GFRA1: variants seen among roughly 807,000 people sequenced by gnomAD.
GFRA1 encodes GDNF family receptor alpha-1.
Under a neutral mutation model 51.6 loss-of-function variants are expected in GFRA1, and 16 were observed. That is an observed-to-expected ratio of 0.31 (90% CI 0.21 to 0.47). GFRA1 has a LOEUF of 0.47. GFRA1 is among the 20% of genes least tolerant of loss of function. GFRA1 has a pLI of 1.00. For missense variants in GFRA1, 530 were observed against 594.3 expected (o/e 0.89, Z 1.13); for synonymous variants, 270 against 241.3 (o/e 1.12, Z -1.10).
chr10:116,172,060 G>A (rs1056313554), intron 5 of GFRA1, among the ~76,000 whole-genome samples: 53 of 152,208 alleles, frequency 3.5e-4, no homozygotes, highest in African/African-American at 1.3e-3. Flanking sequence ...GTCCTTCCAC[G>A]GTGTTTACCC....
rs765485716 is a variant in GFRA1 at position 116,060,721 on chromosome 10, A to T, written c.*3677T>A. The T allele has an allele frequency of 6.6e-6, 1 of 152,250 alleles. No individual in the cohort carries two copies. 9.4% of individuals were successfully genotyped at this position (152,250 alleles called of 1,614,324 possible). On this transcript the variant is annotated 3_prime_UTR_variant, in exon 11 of 11. Transcript: ENST00000355422. Reference sequence around the variant, plus strand: ...CATGGGGGTATGAATCCAGGAGGTCATCAACAGCCTCGAAAGAGAATTAGA... The same window carrying T: ...CATGGGGGTATGAATCCAGGAGGTCTTCAACAGCCTCGAAAGAGAATTAGA...
chr10:116,067,153 G>A (rs564721249), intron 9 of GFRA1, among the ~76,000 whole-genome samples: 80 of 152,242 alleles, frequency 5.3e-4, no homozygotes, highest in African/African-American at 1.7e-3. Context: ...ATTGGAAGAG[G>A]AATTGAACCT....
At chr10:116,181,453 G>A (rs771739698) in intron 5 of GFRA1, among the ~76,000 whole-genome samples, 1 of 152,260 alleles carries the variant, frequency 6.6e-6, no homozygotes, top group East Asian at 1.9e-4. Context: ...GCCCAGCTCT[G>A]CCATCCATCT....
At chr10:116,067,786 T>G (rs1955181489) in intron 9 of GFRA1, among the ~76,000 whole-genome samples, 2 of 152,170 alleles carry the variant, frequency 1.3e-5, no homozygotes, top group African/African-American at 4.8e-5. Flanking sequence ...CATTCAGAAT[T>G]TATAAGCTTT....
intron 4 of GFRA1, among the ~76,000 whole-genome samples, chr10:116,238,804 C>G (rs968323684): frequency 6.6e-6 from 1 of 152,124 alleles, no homozygotes; most frequent in East Asian, 1.9e-4. Flanking sequence ...AACAAATGGT[C>G]ATTTTTTTTA....
chr10:116,242,284 T>C (rs142683719), intron 4 of GFRA1, among the ~76,000 whole-genome samples: 409 of 152,312 alleles, frequency 2.7e-3, no homozygotes, highest in Non-Finnish European at 4.6e-3. Context: ...CAGCAGAGAC[T>C]GGCTTCAAGT....
chr10:116,237,366 A>G (rs540278109), intron 4 of GFRA1, among the ~76,000 whole-genome samples: 5 of 152,290 alleles, frequency 3.3e-5, no homozygotes, highest in Non-Finnish European at 4.4e-5. Context: ...TAATTTACAG[A>G]TGAGAAAAAT....
At chr10:116,190,322 G>C (rs1963136030) in intron 5 of GFRA1, among the ~76,000 whole-genome samples, 1 of 152,222 alleles carries the variant, frequency 6.6e-6, no homozygotes, top group Non-Finnish European at 1.5e-5. Flanking sequence ...GTAGTCACCA[G>C]ATGGCTCCTC....
chr10:116,090,797 T>C (rs1462158727), intron 8 of GFRA1, among the ~76,000 whole-genome samples: 1 of 152,162 alleles, frequency 6.6e-6, no homozygotes, highest in African/African-American at 2.4e-5. Context: ...AATGTGCAAA[T>C]TGTTAATATA....
intron 5 of GFRA1, among the ~76,000 whole-genome samples, chr10:116,161,836 A>T (rs1285878884): frequency 6.6e-6 from 1 of 152,256 alleles, no homozygotes; most frequent in East Asian, 1.9e-4. Flanking sequence ...GTGTGAAAAC[A>T]GACAAATACA....
chr10:116,115,014 C>T (rs1353862182), intron 6 of GFRA1, among the ~76,000 whole-genome samples: 6 of 152,132 alleles, frequency 3.9e-5, no homozygotes, highest in Admixed American at 2.0e-4. Flanking sequence ...AACTCGCAAA[C>T]GCTTACACTG....
At chr10:116,269,932 C>T (rs1030033558) in intron 3 of GFRA1, among the ~76,000 whole-genome samples, 1 of 152,038 alleles carries the variant, frequency 6.6e-6, no homozygotes, top group Admixed American at 6.6e-5. Context: ...AGAAAGGTGA[C>T]CCAGGAAAGA....
chr10:116,132,190 CAA>C (rs1958132203), intron 5 of GFRA1, among the ~76,000 whole-genome samples: 1 of 152,104 alleles, frequency 6.6e-6, no homozygotes, highest in South Asian at 2.1e-4. Flanking sequence ...GCCTGGGTGA[CAA>C]GAGCGAAAGT....
chr10:116,094,871 A>C (rs55825771), intron 7 of GFRA1, among the ~76,000 whole-genome samples: 327 of 152,322 alleles, frequency 2.1e-3, no homozygotes, highest in Non-Finnish European at 3.6e-3. Flanking sequence ...CACCCTGAAC[A>C]CTAGGGGAGG....
At chr10:116,271,853 C>A in intron 2 of GFRA1, 137 bp downstream of exon 2, 1 of 757,562 alleles carries the variant, frequency 1.3e-6, no homozygotes. Context: ...CGATCCCATT[C>A]CCCAAAAAGA....
At chr10:116,193,469 A>G (rs1388653015) in intron 5 of GFRA1, among the ~76,000 whole-genome samples, 2 of 152,226 alleles carry the variant, frequency 1.3e-5, no homozygotes, top group Admixed American at 1.3e-4. Context: ...GGTTTCATCA[A>G]GTCCCAAGTT....
intron 9 of GFRA1, among the ~76,000 whole-genome samples, chr10:116,068,562 C>A (rs968636744): frequency 6.6e-6 from 1 of 152,122 alleles, no homozygotes; most frequent in Non-Finnish European, 1.5e-5. Flanking sequence ...GGGATGTAGA[C>A]CTGTGAACTT....
At chr10:116,212,341 G>A (rs1965254429) in intron 4 of GFRA1, among the ~76,000 whole-genome samples, 1 of 151,952 alleles carries the variant, frequency 6.6e-6, no homozygotes, top group African/African-American at 2.4e-5. Context: ...CTAACATGGT[G>A]AAACCCCATC....
At chr10:116,075,839 G>T (rs1955595708) in intron 9 of GFRA1, among the ~76,000 whole-genome samples, 1 of 151,988 alleles carries the variant, frequency 6.6e-6, no homozygotes, top group African/African-American at 2.4e-5. Context: ...CCGCCTCCCG[G>T]GTTCACGCCA....
Sources: allele counts gnomAD v4.1 joint callset (sites outside exome capture counted in the v4.1 genomes callset), GRCh38; gene constraint gnomAD v4.1.1; transcripts MANE v1.5; gene names NCBI Gene and HGNC (gene_info 2026-07-23, HGNC 2026-07-21).